Variants in ULK4 observed in about 807,000 individuals in gnomAD.
The protein encoded by ULK4 is inactive serine/threonine-protein kinase ULK4.
ULK4 carries 133 observed loss-of-function variants against 160.6 expected under a neutral mutation model. The observed-to-expected ratio is 0.83, with a 90% CI of 0.72 to 0.96. The LOEUF is 0.96. Among genes scored for constraint, ULK4 ranks in the 40% least tolerant of loss-of-function variants. The pLI is 0.00. For missense variants in ULK4, 1,580 were observed against 1,499.5 expected (o/e 1.05, Z -0.89); for synonymous variants, 534 against 539.8 (o/e 0.99, Z 0.15).
chr3:41,718,805 C>A (rs2037358225), intron 22 of ULK4, among the ~76,000 whole-genome samples: 1 of 152,180 alleles, frequency 6.6e-6, no homozygotes, highest in South Asian at 2.1e-4. Context: ...GTATTGAAAT[C>A]TTGATACTTA....
At chr3:41,299,183 T>G (rs2079732446) in intron 35 of ULK4, among the ~76,000 whole-genome samples, 1 of 152,152 alleles carries the variant, frequency 6.6e-6, no homozygotes, top group African/African-American at 2.4e-5. Context: ...TGGGTCTATG[T>G]CTATGAGAAC....
At chr3:41,513,991 T>TA (rs1262326561) in intron 32 of ULK4, among the ~76,000 whole-genome samples, 2 of 152,146 alleles carry the variant, frequency 1.3e-5, no homozygotes, top group African/African-American at 4.8e-5. Flanking sequence ...AATACTAAGA[T>TA]AAAAAAGAAT....
chr3:41,368,567 G>C (rs2081298453), intron 35 of ULK4, among the ~76,000 whole-genome samples: 1 of 152,136 alleles, frequency 6.6e-6, no homozygotes. Context: ...TCTTTCTGTA[G>C]ATTTGTAGAT....
At chr3:41,664,665 G>T (rs1288393477) in intron 29 of ULK4, among the ~76,000 whole-genome samples, 1 of 151,940 alleles carries the variant, frequency 6.6e-6, no homozygotes, top group Non-Finnish European at 1.5e-5. Context: ...CTGTTAACTG[G>T]GTACATTGCA....
At chr3:41,877,911 G>A (rs1273046547) in intron 17 of ULK4, among the ~76,000 whole-genome samples, 1 of 151,852 alleles carries the variant, frequency 6.6e-6, no homozygotes, top group African/African-American at 2.4e-5. Flanking sequence ...AACCCGGGAG[G>A]CAGAGGTTGC....
intron 5 of ULK4, among the ~76,000 whole-genome samples, chr3:41,931,580 CTAA>C (rs1699605898): frequency 6.6e-6 from 1 of 151,820 alleles, no homozygotes; most frequent in Non-Finnish European, 1.5e-5. Context: ...TTCCTATGTG[CTAA>C]TGAGTGCTCA....
intron 17 of ULK4, among the ~76,000 whole-genome samples, chr3:41,850,554 G>A (rs1357882687): frequency 6.6e-6 from 1 of 152,122 alleles, no homozygotes; most frequent in Non-Finnish European, 1.5e-5. Context: ...GCATTTCTCT[G>A]ATGGCCAGTG....
At chr3:41,856,766 C>T (rs1559611614) in intron 17 of ULK4, among the ~76,000 whole-genome samples, 2 of 151,094 alleles carry the variant, frequency 1.3e-5, no homozygotes, top group Admixed American at 6.6e-5. Flanking sequence ...ATTAGCCAGG[C>T]GTAGTGGTGC....
intron 31 of ULK4, among the ~76,000 whole-genome samples, chr3:41,594,438 G>A (rs1224859356): frequency 2.6e-5 from 4 of 152,196 alleles, no homozygotes; most frequent in East Asian, 3.9e-4. Context: ...TACTTAGGAG[G>A]CTGAGGTGGG....
intron 35 of ULK4, among the ~76,000 whole-genome samples, chr3:41,331,983 T>A (rs576447414): frequency 1.3e-5 from 2 of 152,216 alleles, no homozygotes; most frequent in Non-Finnish European, 2.9e-5. Context: ...CTGACTATCT[T>A]CCAAAGCTTT....
At chr3:41,500,620 T>C (rs1241634949) in intron 32 of ULK4, among the ~76,000 whole-genome samples, 1 of 152,122 alleles carries the variant, frequency 6.6e-6, no homozygotes, top group Admixed American at 6.5e-5. Context: ...CCAGAAATGC[T>C]AGTGGCTATC....
rs117017364 is a variant in ULK4, at chr3:41,638,712, C to G, written c.3072-22995G>C. On this transcript the variant is annotated intron_variant, in intron 30 of 36. Coordinates refer to ENST00000301831, the MANE Select transcript of ULK4 (RefSeq NM_017886.4). ...AGCAAACACTGTAATGTATTCTGGC[C>G]AATAACTGTCATCACATAAAATCAG... 5.9e-4 allele frequency among the ~76,000 whole-genome samples: 90 copies of G among 152,244 alleles called. No individual in the cohort carries two copies. In the East Asian group the frequency reaches 0.016, roughly 26 times the overall value.
At chr3:41,699,918 A>C (rs2036617096) in intron 27 of ULK4, among the ~76,000 whole-genome samples, 1 of 152,250 alleles carries the variant, frequency 6.6e-6, no homozygotes, top group Non-Finnish European at 1.5e-5. Flanking sequence ...TATGATTAGA[A>C]AATTAATTTC....
At chr3:41,906,490 C>T (rs1698566244) in intron 12 of ULK4, among the ~76,000 whole-genome samples, 1 of 152,120 alleles carries the variant, frequency 6.6e-6, no homozygotes, top group African/African-American at 2.4e-5. Context: ...GATTGTACCA[C>T]TGTACTCCAG....
At chr3:41,912,942 T>C in intron 8 of ULK4, 43 bp from the exon 9 acceptor site, 1 of 1,590,456 alleles carries the variant, frequency 6.3e-7, no homozygotes. Flanking sequence ...TAACATGATT[T>C]ACCATGAAAA....
At chr3:41,553,337 T>C (rs756306005) in intron 32 of ULK4, among the ~76,000 whole-genome samples, 2 of 152,080 alleles carry the variant, frequency 1.3e-5, no homozygotes, top group East Asian at 1.9e-4. Context: ...TGGGAGAAAG[T>C]ATTTTCAAGC....
At chr3:41,283,215 C>T (rs2079393554) in intron 35 of ULK4, among the ~76,000 whole-genome samples, 1 of 152,184 alleles carries the variant, frequency 6.6e-6, no homozygotes, top group African/African-American at 2.4e-5. Context: ...GTAAATTAGT[C>T]AACCATTGTG....
chr3:41,890,225 A>G (rs1195043447), intron 16 of ULK4, among the ~76,000 whole-genome samples: 1 of 152,216 alleles, frequency 6.6e-6, no homozygotes, highest in Non-Finnish European at 1.5e-5. Flanking sequence ...ATTTTATGGT[A>G]TGTGAATTAT....
intron 30 of ULK4, among the ~76,000 whole-genome samples, chr3:41,659,469 C>T (rs1302040412): frequency 6.6e-6 from 1 of 152,164 alleles, no homozygotes; most frequent in Non-Finnish European, 1.5e-5. Flanking sequence ...CATTCCTTGA[C>T]CATATGAAGT....
Sources: gnomAD v4.1 joint callset for allele counts (sites outside exome capture counted in the v4.1 genomes callset) on GRCh38, gnomAD v4.1.1 for gene constraint, MANE v1.5 for transcripts, NCBI Gene and HGNC (gene_info 2026-07-23, HGNC 2026-07-21) for gene names.